Variants in PLCXD3 observed in about 807,000 individuals in gnomAD.
PLCXD3 encodes phosphatidylinositol specific phospholipase C X domain containing 3.
Under a neutral mutation model 25.5 loss-of-function variants are expected in PLCXD3, and 19 were observed. That is an observed-to-expected ratio of 0.75 (90% CI 0.52 to 1.09). The LOEUF is 1.09. Ranked by LOEUF, PLCXD3 falls within the 50% of genes least tolerant of loss-of-function variation. PLCXD3 has a pLI of 0.00. For synonymous variants in PLCXD3, 174 were observed against 137.6 expected, an observed-to-expected ratio of 1.26 and a Z score of -1.85; for missense variants, 411 against 388.1, an observed-to-expected ratio of 1.06 and a Z score of -0.50.
At chr5:41,485,713 CTA>C (rs1748502828) in intron 1 of PLCXD3, among the ~76,000 whole-genome samples, 2 of 152,178 alleles carry the variant, frequency 1.3e-5, no homozygotes, top group African/African-American at 2.4e-5. Flanking sequence ...ACTCTACAAA[CTA>C]TATCTGGTTA....
chr5:41,406,608 C>T (rs1746359641), intron 1 of PLCXD3, among the ~76,000 whole-genome samples: 1 of 151,944 alleles, frequency 6.6e-6, no homozygotes, highest in Non-Finnish European at 1.5e-5. Flanking sequence ...AGGCATAAAT[C>T]CTCTCTCTCC....
At chr5:41,378,942 C>T (rs1191956552) in intron 2 of PLCXD3, among the ~76,000 whole-genome samples, 1 of 151,784 alleles carries the variant, frequency 6.6e-6, no homozygotes, top group African/African-American at 2.4e-5. Flanking sequence ...GTAAATTCTT[C>T]TTCTTGGCTT....
At chr5:41,332,936 G>T (rs1743870971) in intron 2 of PLCXD3, among the ~76,000 whole-genome samples, 1 of 152,064 alleles carries the variant, frequency 6.6e-6, no homozygotes, top group Non-Finnish European at 1.5e-5. Flanking sequence ...ACACTCTGGG[G>T]ACTGTTGTGG....
intron 1 of PLCXD3, among the ~76,000 whole-genome samples, chr5:41,447,116 G>A (rs1249690640): frequency 6.6e-6 from 1 of 152,186 alleles, no homozygotes; most frequent in Non-Finnish European, 1.5e-5. Context: ...ATAGGTTGGA[G>A]AATGGTTCTA....
intron 1 of PLCXD3, among the ~76,000 whole-genome samples, chr5:41,487,837 G>T (rs1010297150): frequency 2.0e-5 from 3 of 152,150 alleles, no homozygotes; most frequent in African/African-American, 7.2e-5. Context: ...GGTGAAAGGA[G>T]TTGAGGTCAG....
At chr5:41,327,594 T>G (rs1056661194) in intron 2 of PLCXD3, among the ~76,000 whole-genome samples, 6 of 152,330 alleles carry the variant, frequency 3.9e-5, no homozygotes, top group African/African-American at 1.4e-4. Flanking sequence ...AGTGGAAATT[T>G]TAATATTATC....
intron 1 of PLCXD3, among the ~76,000 whole-genome samples, chr5:41,405,656 A>G (rs1746328107): frequency 6.6e-6 from 1 of 152,148 alleles, no homozygotes; most frequent in South Asian, 2.1e-4. Context: ...AAAATATTTG[A>G]TTCAAGTCAA....
chr5:41,334,980 C>T (rs1317470407), intron 2 of PLCXD3, among the ~76,000 whole-genome samples: 2 of 152,110 alleles, frequency 1.3e-5, no homozygotes, highest in African/African-American at 2.4e-5. Flanking sequence ...AACAAAGAGA[C>T]CCTTCTGTAT....
chr5:41,372,347 C>CACTCACACAT (rs71608606), intron 2 of PLCXD3, among the ~76,000 whole-genome samples: 1 of 132,358 alleles, frequency 7.6e-6, no homozygotes, highest in African/African-American at 2.9e-5. Context: ...CACACACACA[C>CACTCACACAT]ACCAGGCACT....
chr5:41,468,252 A>G (rs1439926676), intron 1 of PLCXD3, among the ~76,000 whole-genome samples: 1 of 151,874 alleles, frequency 6.6e-6, no homozygotes, highest in Non-Finnish European at 1.5e-5. Flanking sequence ...TCCTGACCTC[A>G]GGTGATTCAC....
At chr5:41,372,693 C>G (rs576794280) in intron 2 of PLCXD3, among the ~76,000 whole-genome samples, 1 of 151,902 alleles carries the variant, frequency 6.6e-6, no homozygotes, top group Non-Finnish European at 1.5e-5. Context: ...TCTTGAGCCC[C>G]GCCACCAACT....
At chr5:41,401,856 T>A (rs565959387) in intron 1 of PLCXD3, among the ~76,000 whole-genome samples, 10 of 152,040 alleles carry the variant, frequency 6.6e-5, no homozygotes, top group Non-Finnish European at 1.5e-4. Flanking sequence ...AATCTGTACA[T>A]TTACTTTCTG....
chr5:41,458,584 A>G (rs1321397166), intron 1 of PLCXD3, among the ~76,000 whole-genome samples: 1 of 152,004 alleles, frequency 6.6e-6, no homozygotes, highest in Non-Finnish European at 1.5e-5. Context: ...TGTTGGGACC[A>G]AGTGGTGAAC....
chr5:41,335,312 G>C (rs1340558879), intron 2 of PLCXD3, among the ~76,000 whole-genome samples: 1 of 152,094 alleles, frequency 6.6e-6, no homozygotes, highest in Non-Finnish European at 1.5e-5. Flanking sequence ...GGACTATCTA[G>C]GTTTATCCTT....
intron 2 of PLCXD3, among the ~76,000 whole-genome samples, chr5:41,328,225 T>A (rs1292158558): frequency 6.6e-6 from 1 of 152,132 alleles, no homozygotes; most frequent in East Asian, 1.9e-4. Context: ...ACATGTAGAA[T>A]GATGAGAAGA....
chr5:41,375,785 A>G (rs896168515), intron 2 of PLCXD3, among the ~76,000 whole-genome samples: 1 of 152,140 alleles, frequency 6.6e-6, no homozygotes, highest in Non-Finnish European at 1.5e-5. Context: ...TATTAAATGC[A>G]GCCAGTGCTA....
chr5:41,487,459 A>T (rs1390527935), intron 1 of PLCXD3, among the ~76,000 whole-genome samples: 2 of 152,250 alleles, frequency 1.3e-5, no homozygotes, highest in African/African-American at 4.8e-5. Flanking sequence ...TTAATTGGAC[A>T]TTGACTATAG....
At chr5:41,412,541 T>A (rs930758291) in intron 1 of PLCXD3, among the ~76,000 whole-genome samples, 2 of 152,210 alleles carry the variant, frequency 1.3e-5, no homozygotes, top group African/African-American at 2.4e-5. Context: ...ACATGAGAGC[T>A]GTTAGTGGGA....
At position 41,313,594 on chromosome 5, in the gene PLCXD3, C is replaced by T; in HGVS notation, c.*23G>A. The T allele has an allele frequency of 6.2e-7, 1 of 1,613,118 alleles. No homozygotes were observed. Among genetic ancestry groups the T allele is most frequent in the Non-Finnish European group, 8.5e-7 (1 of 1,179,270 alleles). ...TACAATGAGCTTTCTCCATCTTATT[C>T]ATGGAAACTCCAAGTAGTGCTATCA... On this transcript the variant is annotated 3_prime_UTR_variant, in exon 3 of 3. Transcript: ENST00000377801.
Sources: gnomAD v4.1 joint callset for allele counts (sites outside exome capture counted in the v4.1 genomes callset) on GRCh38, gnomAD v4.1.1 for gene constraint, MANE v1.5 for transcripts, NCBI Gene and HGNC (gene_info 2026-07-23, HGNC 2026-07-21) for gene names.